Variants in DLEC1 observed in about 807,000 individuals in gnomAD.
DLEC1 encodes the protein deleted in lung and esophageal cancer protein 1.
A neutral mutation model predicts 198.1 loss-of-function variants in DLEC1; 146 were observed. The observed-to-expected ratio is 0.74, with a 90% CI of 0.64 to 0.85. The LOEUF is 0.85. DLEC1 is among the 40% of genes least tolerant of loss of function. DLEC1 has a pLI of 0.00. For missense variants in DLEC1, 2,233 were observed against 2,220.0 expected (o/e 1.01, Z -0.12); for synonymous variants, 897 against 866.8 (o/e 1.03, Z -0.61).
intron 26 of DLEC1, 74 bp from the exon 27 acceptor site, chr3:38,114,909 G>T (rs1700070102): frequency 4.3e-6 from 6 of 1,391,350 alleles, no homozygotes; most frequent in African/African-American, 1.4e-5. Flanking sequence ...TGAGCCCCCA[G>T]TCCCAGCCCT....
chr3:38,109,510 C>T lies in DLEC1; in HGVS notation c.3208C>T (p.Pro1070Ser), dbSNP rs970445517. 1.9e-6 allele frequency: 3 copies of T among 1,614,106 alleles called. No homozygotes were observed. Among genetic ancestry groups the T allele is most frequent in the Middle Eastern group, 1.6e-4 (1 of 6,084 alleles). The change falls in exon 22 of 37, where the codon CCC (proline) becomes TCC (serine). Residue 1070 changes from proline (P) to serine (S), a missense_variant. Transcript: ENST00000308059. ...ACTGGTTCTAGGCATTTCTGGGAAGCCCCAGGGACTGCAAGTGGCCATTAC... is the reference window on the plus strand; with the variant it reads ...ACTGGTTCTAGGCATTTCTGGGAAGTCCCAGGGACTGCAAGTGGCCATTAC... ...KPLVLGISGK[P>S]QGLQVAITIS...
rs766896582 is a variant in DLEC1, at chr3:38,085,350, C to T, written c.1338C>T (p.Cys446=). Residue 446 remains cysteine (C), a synonymous_variant, in exon 8 of 37, where the codon TGC becomes TGT. Coordinates refer to ENST00000308059, the MANE Select transcript of DLEC1 (RefSeq NM_007335.4). The stretch of plus-strand genomic sequence containing the variant: ...ACATTGTCCAGTTTTTTCCCGACTG[C>T]CTTGGGGATTTTGATGATTTTATTT... ...CQYIVQFFPD[C]LGDFDDFILV... 10 of 1,613,976 alleles carry T rather than the reference C, an allele frequency of 6.2e-6. No homozygotes were observed. The highest frequency in any genetic ancestry group is 6.8e-6 in the Non-Finnish European group (8 of 1,180,016).
In DLEC1 at chr3:38,095,192, G is replaced by C. The variant is rs901381976; in HGVS notation, c.2112+121G>C. ...CCCACCGAGGTGCTATCCTGCCCAG[G>C]CCAGCACTTGGCTGAGTTGGGTTGG... On this transcript the variant is annotated intron_variant, in intron 13 of 36. Coordinates refer to ENST00000308059, the MANE Select transcript of DLEC1 (RefSeq NM_007335.4). 8 of 1,266,860 alleles carry C rather than the reference G, an allele frequency of 6.3e-6. No individual in the cohort carries two copies. In the African/African-American group the frequency reaches 1.2e-4, roughly 19 times the overall value. 78.5% of individuals were successfully genotyped at this position (1,266,860 alleles called of 1,614,324 possible). A position where few individuals can be genotyped will look rare whatever the true frequency, so the allele number is the denominator to read the frequency against.
intron 10 of DLEC1, among the ~76,000 whole-genome samples, chr3:38,090,253 T>C (rs1052464436): frequency 6.6e-6 from 1 of 152,180 alleles, no homozygotes; most frequent in African/African-American, 2.4e-5. Context: ...AACAGTGAAA[T>C]GCTCCCTTTC....
chr3:38,065,110 G>A (rs1168034741), intron 6 of DLEC1, among the ~76,000 whole-genome samples: 2 of 152,238 alleles, frequency 1.3e-5, no homozygotes, highest in Non-Finnish European at 2.9e-5. Flanking sequence ...GCTGAGGCTG[G>A]CAGATCACTC....
chr3:38,116,380 T>C (rs1018427846), intron 27 of DLEC1, 73 bp from the exon 28 acceptor site: 2 of 1,472,740 alleles, frequency 1.4e-6, no homozygotes, highest in African/African-American at 2.8e-5. Context: ...TCTGGGGGTA[T>C]GAGGAGGAGG....
At chr3:38,079,860 A>T (rs1008383983) in intron 6 of DLEC1, among the ~76,000 whole-genome samples, 3 of 152,150 alleles carry the variant, frequency 2.0e-5, no homozygotes, top group African/African-American at 4.8e-5. Context: ...AAGGAATTGC[A>T]ACTTTTTTCT....
Position 38,100,285 on chromosome 3 carries a change from G to C in DLEC1, c.2725-1G>C, listed in dbSNP as rs1699236329. 2 of 1,608,238 alleles carry C rather than the reference G, an allele frequency of 1.2e-6. No homozygotes were observed. Among genetic ancestry groups the C allele is most frequent in the African/African-American group, 2.7e-5 (2 of 74,674 alleles). Reference sequence around the variant, plus strand: ...ATCCTCCTGAGTGTTCTCCGGGGCAGGTGTCTCCCTTCGACATTGAGCCTT... The same window carrying C: ...ATCCTCCTGAGTGTTCTCCGGGGCACGTGTCTCCCTTCGACATTGAGCCTT... On this transcript the variant is annotated splice_acceptor_variant, in intron 18 of 36. Coordinates refer to ENST00000308059, the MANE Select transcript of DLEC1 (RefSeq NM_007335.4). LOFTEE classifies it high-confidence loss of function.
rs771982845 is a variant in DLEC1 at position 38,092,837 on chromosome 3, C to G, written c.1713C>G (p.Ile571Met). 1.2e-6 allele frequency: 2 copies of G among 1,614,190 alleles called. No homozygotes were observed. Among genetic ancestry groups the G allele is most frequent in the African/African-American group, 1.3e-5 (1 of 75,044 alleles). Residue 571 changes from isoleucine to methionine, a missense_variant, in exon 11 of 37, where the codon ATC (isoleucine) becomes ATG (methionine). Ile to Met is a conservative substitution (Grantham distance 10). Coordinates refer to ENST00000308059, the MANE Select transcript of DLEC1 (RefSeq NM_007335.4). ...KSLGKAEQTFIIMCDNCQIKE... is the reference protein window; with the variant it reads ...KSLGKAEQTFMIMCDNCQIKE... Reference sequence around the variant, plus strand: ...TAGGAAAGGCAGAGCAGACCTTCATCATCATGTGCGACAACTGCCAGATAA... The same window carrying G: ...TAGGAAAGGCAGAGCAGACCTTCATGATCATGTGCGACAACTGCCAGATAA...
rs765138386 is a variant in DLEC1 at position 38,097,859 on chromosome 3, G to T, written c.2681G>T (p.Arg894Leu). 7.4e-6 allele frequency: 12 copies of T among 1,614,204 alleles called. No homozygotes were observed. The highest frequency in any genetic ancestry group is 1.0e-5 in the Non-Finnish European group (12 of 1,180,036). Residue 894 changes from arginine (R) to leucine (L), a missense_variant, in exon 18 of 37, where the codon CGC becomes CTC. Coordinates refer to ENST00000308059, the MANE Select transcript of DLEC1 (RefSeq NM_007335.4). ...RNVSQLPATW[R>L]MKESPVSLQE... is the part of the protein sequence containing the mutation. The stretch of plus-strand genomic sequence containing the variant: ...GTCAGCCAGCTCCCAGCCACATGGC[G>T]CATGAAGGAGAGCCCAGTCTCCCTC...
chr3:38,106,401 A>C (rs1699569042), intron 19 of DLEC1, among the ~76,000 whole-genome samples: 1 of 152,182 alleles, frequency 6.6e-6, no homozygotes, highest in Non-Finnish European at 1.5e-5. Context: ...TTTGGGGACA[A>C]GATGAAGATG....
chr3:38,097,010 G>A (rs1326164471), intron 15 of DLEC1, among the ~76,000 whole-genome samples, 172 bp from the exon 16 acceptor site: 1 of 152,234 alleles, frequency 6.6e-6, no homozygotes, highest in Non-Finnish European at 1.5e-5. Context: ...GCACTGCAGT[G>A]TGGAGGGAGG....
Position 38,116,583 on chromosome 3 carries a change from C to T in DLEC1, c.3987C>T (p.Thr1329=). 1.2e-6 allele frequency: 2 copies of T among 1,614,118 alleles called. No homozygotes were observed. Among genetic ancestry groups the T allele is most frequent in the Non-Finnish European group, 1.7e-6 (2 of 1,179,996 alleles). ...QAGNELVCPD[T]PEGGCLLWSP... is the part of the protein sequence containing the mutation. ...GGAATGAGCTTGTGTGCCCTGATACCCCTGAGGGTGGCTGCCTCCTCTGGT... is the reference window on the plus strand; with the variant it reads ...GGAATGAGCTTGTGTGCCCTGATACTCCTGAGGGTGGCTGCCTCCTCTGGT... The change falls in exon 28 of 37, where the codon ACC becomes ACT. Residue 1329 remains threonine, a synonymous_variant. Transcript: ENST00000308059.
intron 10 of DLEC1, among the ~76,000 whole-genome samples, chr3:38,090,409 G>C (rs960685250): frequency 6.6e-6 from 1 of 152,112 alleles, no homozygotes; most frequent in African/African-American, 2.4e-5. Flanking sequence ...TCTATACTCT[G>C]TTCTTTGCCT....
At chr3:38,061,503 CA>C (rs1192659445) in intron 3 of DLEC1, among the ~76,000 whole-genome samples, 1 of 152,150 alleles carries the variant, frequency 6.6e-6, no homozygotes, top group African/African-American at 2.4e-5. Context: ...ATGATCTTAA[CA>C]GTGTAAAAAG....
intron 3 of DLEC1, among the ~76,000 whole-genome samples, chr3:38,061,171 G>A (rs9827494): frequency 6.6e-6 from 1 of 151,562 alleles, no homozygotes; most frequent in Non-Finnish European, 1.5e-5. Context: ...TTTCTTGTTT[G>A]TTTGTTTGTT....
intron 6 of DLEC1, 82 bp downstream of exon 6, chr3:38,064,001 T>C (rs1421814525): frequency 2.2e-6 from 2 of 912,832 alleles, no homozygotes; most frequent in Non-Finnish European, 3.2e-6. Context: ...ATTTTCTTTT[T>C]TTTTTCTTTT....
In DLEC1 at chr3:38,112,376, G is replaced by A. The variant is rs770009908; in HGVS notation, c.3666+15G>A. On this transcript the variant is annotated intron_variant, in intron 25 of 36. Transcript: ENST00000308059. The surrounding 1 kb of genome is among the most constrained non-coding windows in gnomAD (Gnocchi z 4.8). ...TCATCTGCACGGTAAGGGTACACAA[G>A]AGGGCAGTGGCCTGGGGGGTGGAGA... 1.2e-6 allele frequency: 2 copies of A among 1,613,334 alleles called. No individual in the cohort carries two copies. The highest frequency in any genetic ancestry group is 1.7e-6 in the Non-Finnish European group (2 of 1,179,404).
In DLEC1 at chr3:38,123,284, G is replaced by C. The variant is rs1221918212; in HGVS notation, c.*872G>C. ...CCTCCCACTTGGGCACACACACGGT[G>C]ACAGATGCCCACTGCAGGCTAGTAT... On this transcript the variant is annotated 3_prime_UTR_variant, in exon 37 of 37. Coordinates refer to ENST00000308059, the MANE Select transcript of DLEC1 (RefSeq NM_007335.4). The C allele has an allele frequency of 3.1e-6, 2 of 652,284 alleles. No individual in the cohort carries two copies. Among genetic ancestry groups the C allele is most frequent in the Non-Finnish European group, 5.5e-6 (2 of 362,762 alleles). The allele number at this position is 652,284 out of a possible 1,614,324, so 40.4% of individuals were successfully genotyped here.
Sources: gnomAD v4.1 joint callset for allele counts (sites outside exome capture counted in the v4.1 genomes callset) on GRCh38, gnomAD v4.1.1 for gene constraint, Gnocchi (gnomAD v3.1) non-coding constraint, MANE v1.5 for transcripts, NCBI Gene and HGNC (gene_info 2026-07-23, HGNC 2026-07-21) for gene names.